The following ADGRB3 variants were observed in gnomAD, a reference collection of about 807,000 sequenced individuals.
ADGRB3 encodes adhesion G protein-coupled receptor B3.
A neutral mutation model predicts 193.4 loss-of-function variants in ADGRB3; 37 were observed. The observed-to-expected ratio is 0.19, with a 90% confidence interval of 0.15 to 0.25. ADGRB3 has a LOEUF of 0.25. ADGRB3 is among the 10% of genes least tolerant of loss of function. The probability of loss-of-function intolerance (pLI) is 1.00; values close to 1 mark genes in which losing one functional copy is unlikely to be tolerated. For synonymous variants in ADGRB3, 690 were observed against 644.2 expected, an observed-to-expected ratio of 1.07 and a Z score of -1.08; for missense variants, 1,637 against 1,852.9, an observed-to-expected ratio of 0.88 and a Z score of 2.14.
At position 68,994,025 on chromosome 6, in the gene ADGRB3, G is replaced by A. The variant is rs1769315634; in HGVS notation, c.1929+63G>A. The A allele has an allele frequency of 1.8e-5, 27 of 1,533,186 alleles. No individual in the cohort carries two copies. In the South Asian group the frequency reaches 1.8e-4, roughly 10 times the overall value. 95.0% of individuals were successfully genotyped at this position (1,533,186 alleles called of 1,614,324 possible). A position where few individuals can be genotyped will look rare whatever the true frequency, so the allele number is the denominator to read the frequency against. On this transcript the variant is annotated intron_variant, in intron 11 of 31. Transcript: ENST00000370598. The stretch of plus-strand genomic sequence containing the variant: ...AGATGCAATCAGTTTTTGGTCCCAC[G>A]AAGCCAGTGCAGCCGTCTTGGAGGC...
intron 3 of ADGRB3, among the ~76,000 whole-genome samples, chr6:68,886,823 C>T (rs540484369): frequency 2.0e-5 from 3 of 151,962 alleles, no homozygotes; most frequent in Admixed American, 6.6e-5. Flanking sequence ...AAAATATAAT[C>T]GCTTTATATG....
At chr6:69,248,303 A>T (rs919957225) in intron 20 of ADGRB3, among the ~76,000 whole-genome samples, 1 of 152,222 alleles carries the variant, frequency 6.6e-6, no homozygotes, top group African/African-American at 2.4e-5. Flanking sequence ...GTACTAGATA[A>T]ACATCACAGA....
intron 26 of ADGRB3, among the ~76,000 whole-genome samples, chr6:69,350,582 A>G (rs1022374746): frequency 6.6e-6 from 1 of 152,172 alleles, no homozygotes; most frequent in African/African-American, 2.4e-5. Context: ...TAATTTCACA[A>G]GAACTCAAAG....
intron 31 of ADGRB3, among the ~76,000 whole-genome samples, chr6:69,384,959 T>C (rs1392518368): frequency 1.2e-5 from 1 of 85,038 alleles, no homozygotes; most frequent in Non-Finnish European, 2.4e-5. Flanking sequence ...TCTTTTCTTT[T>C]CTTTTTTTTT....
At position 69,339,348 on chromosome 6, in the gene ADGRB3, C is replaced by T. The variant is rs1274059481; in HGVS notation, c.3303C>T (p.Ser1101=). The T allele has an allele frequency of 6.2e-7, 1 of 1,613,794 alleles. No individual in the cohort carries two copies. Among genetic ancestry groups the T allele is most frequent in the Admixed American group, 1.7e-5 (1 of 60,000 alleles). Residue 1101 remains serine (S), a synonymous_variant, in exon 26 of 32, where the codon AGC becomes AGT. Transcript: ENST00000370598. ...TASNAMASLW[S]SCVVLPLLAL... is the part of the protein sequence containing the mutation. Reference sequence around the variant, plus strand: ...GTCTCAACAGGGCGTCTCTTTGGAGCTCCTGTGTGGTGTTGCCCCTTCTGG... The same window carrying T: ...GTCTCAACAGGGCGTCTCTTTGGAGTTCCTGTGTGGTGTTGCCCCTTCTGG...
chr6:68,951,949 G>GA (rs565925945), intron 6 of ADGRB3, among the ~76,000 whole-genome samples: 187 of 152,114 alleles, frequency 1.2e-3, no homozygotes, highest in African/African-American at 4.5e-3. Context: ...CAGATAACAA[G>GA]AAAAAAGCTG....
At chr6:69,295,293 T>C (rs1302222505) in intron 20 of ADGRB3, among the ~76,000 whole-genome samples, 1 of 152,216 alleles carries the variant, frequency 6.6e-6, no homozygotes, top group African/African-American at 2.4e-5. Flanking sequence ...GTCATCATCA[T>C]ACTGCCTTCA....
intron 3 of ADGRB3, among the ~76,000 whole-genome samples, chr6:68,802,180 A>ATGTG (rs1554196937): frequency 1.4e-5 from 2 of 146,528 alleles, no homozygotes; most frequent in South Asian, 4.2e-4. Flanking sequence ...AAATGCACAT[A>ATGTG]TGCGTGTGTG....
chr6:69,033,679 G>C (rs1428973074), intron 13 of ADGRB3, among the ~76,000 whole-genome samples: 1 of 151,968 alleles, frequency 6.6e-6, no homozygotes, highest in Non-Finnish European at 1.5e-5. Context: ...ATGTGTTTTT[G>C]TGTGTTTATC....
chr6:69,102,613 T>C (rs1660900402), intron 17 of ADGRB3, among the ~76,000 whole-genome samples: 1 of 152,152 alleles, frequency 6.6e-6, no homozygotes, highest in African/African-American at 2.4e-5. Flanking sequence ...TACAGGGTGA[T>C]GTGAATGGAT....
At chr6:69,089,246 T>C (rs966055288) in intron 17 of ADGRB3, among the ~76,000 whole-genome samples, 2 of 152,206 alleles carry the variant, frequency 1.3e-5, no homozygotes, top group African/African-American at 2.4e-5. Flanking sequence ...GTTCAAACTA[T>C]AATTAAACTT....
At chr6:68,698,934 TC>T (rs1765198166) in intron 3 of ADGRB3, among the ~76,000 whole-genome samples, 1 of 152,120 alleles carries the variant, frequency 6.6e-6, no homozygotes, top group Admixed American at 6.6e-5. Flanking sequence ...GTACAAATTT[TC>T]CCAGGTGATT....
At chr6:69,243,920 T>C (rs986312912) in intron 20 of ADGRB3, among the ~76,000 whole-genome samples, 1 of 152,100 alleles carries the variant, frequency 6.6e-6, no homozygotes, top group African/African-American at 2.4e-5. Context: ...ATAACAAGCC[T>C]ACAAATGTTA....
intron 17 of ADGRB3, among the ~76,000 whole-genome samples, chr6:69,177,809 T>C (rs897426629): frequency 2.0e-5 from 3 of 152,356 alleles, no homozygotes; most frequent in South Asian, 2.1e-4. Flanking sequence ...ATGATTGATA[T>C]GATTTCAATT....
intron 20 of ADGRB3, among the ~76,000 whole-genome samples, chr6:69,271,756 A>C (rs998757828): frequency 6.6e-6 from 1 of 152,260 alleles, no homozygotes; most frequent in Non-Finnish European, 1.5e-5. Flanking sequence ...ACACACAGAC[A>C]CACCCCTTTC....
At chr6:68,753,909 TA>T (rs1766251490) in intron 3 of ADGRB3, among the ~76,000 whole-genome samples, 1 of 152,160 alleles carries the variant, frequency 6.6e-6, no homozygotes, top group African/African-American at 2.4e-5. Context: ...AAAGTCATTT[TA>T]AAATGGACTT....
chr6:69,173,872 T>C (rs1304422695), intron 17 of ADGRB3, among the ~76,000 whole-genome samples: 1 of 152,146 alleles, frequency 6.6e-6, no homozygotes, highest in Admixed American at 6.5e-5. Context: ...GTTTTATGAC[T>C]GGGTAGGAAA....
At chr6:69,381,136 G>A (rs1769938984) in intron 30 of ADGRB3, among the ~76,000 whole-genome samples, 1 of 151,794 alleles carries the variant, frequency 6.6e-6, no homozygotes, top group South Asian at 2.1e-4. Flanking sequence ...GCTACTTTAT[G>A]TTTGCCAGTG....
At chr6:68,748,820 C>G (rs1461605935) in intron 3 of ADGRB3, among the ~76,000 whole-genome samples, 1 of 152,214 alleles carries the variant, frequency 6.6e-6, no homozygotes, top group Non-Finnish European at 1.5e-5. Context: ...CCCGCCCCTG[C>G]AACAAACTTT....
Sources: gnomAD v4.1 joint callset for allele counts (sites outside exome capture counted in the v4.1 genomes callset) on GRCh38, gnomAD v4.1.1 for gene constraint, MANE v1.5 for transcripts, NCBI Gene and HGNC (gene_info 2026-07-23, HGNC 2026-07-21) for gene names.